Variants in MYO6 observed in about 807,000 individuals in gnomAD.
MYO6 encodes the protein myosin VI.
In MYO6, 74 loss-of-function variants were observed where a neutral mutation model predicts 178.7. The observed-to-expected ratio is 0.41, with a 90% CI of 0.34 to 0.50. The LOEUF is 0.50. MYO6 is among the 20% of genes least tolerant of loss of function. The pLI is 0.09. For synonymous variants in MYO6, 477 were observed against 504.6 expected, an observed-to-expected ratio of 0.95 and a Z score of 0.73; for missense variants, 1,330 against 1,547.4, an observed-to-expected ratio of 0.86 and a Z score of 2.36.
chr6:75,757,972 CTTTTTTTTTTTTT>C (rs71002761), intron 1 of MYO6, among the ~76,000 whole-genome samples: 2 of 74,298 alleles, frequency 2.7e-5, no homozygotes. Context: ...TTGAAGTTGG[CTTTTTTTTTTTTT>C]TTTTTTTTTT....
intron 1 of MYO6, among the ~76,000 whole-genome samples, chr6:75,764,873 C>T (rs1233022172): frequency 6.6e-6 from 1 of 151,746 alleles, no homozygotes; most frequent in Admixed American, 6.6e-5. Flanking sequence ...GTGGCAGGCA[C>T]CTGTAGTCCC....
Position 75,835,969 on chromosome 6 carries a change from T to G in MYO6, c.553+13T>G, listed in dbSNP as rs369806112. ...AGAATTGTTGAAGGTATTGCTAATT[T>G]TTCAGTTGTTACGCGTGTACTGAAA... On this transcript the variant is annotated intron_variant, in intron 7 of 34. Transcript: ENST00000369977. 3 of 1,580,296 alleles carry G rather than the reference T, an allele frequency of 1.9e-6. No homozygotes were observed. The highest frequency in any genetic ancestry group is 1.7e-6 in the Non-Finnish European group (2 of 1,149,100).
At chr6:75,892,993 A>T (rs1423411255) in intron 28 of MYO6, among the ~76,000 whole-genome samples, 1 of 152,174 alleles carries the variant, frequency 6.6e-6, no homozygotes, top group Non-Finnish European at 1.5e-5. Context: ...TATATTAGGT[A>T]GACACCTAAT....
At chr6:75,766,425 AAATT>A (rs1203329186) in intron 1 of MYO6, among the ~76,000 whole-genome samples, 5 of 152,228 alleles carry the variant, frequency 3.3e-5, no homozygotes, top group East Asian at 1.9e-4. Context: ...ATACACTTAA[AAATT>A]AATACAGTAT....
Position 75,764,004 on chromosome 6 carries a change from T to C in MYO6, c.-48+14581T>C, listed in dbSNP as rs1253135196. Among the ~76,000 whole-genome samples the C allele has an allele frequency of 8.5e-5, 13 of 152,212 alleles. No homozygotes were observed. The East Asian group carries it at 2.1e-3, about 25-fold the overall frequency. On this transcript the variant is annotated intron_variant, in intron 1 of 34. Coordinates refer to ENST00000369977, the MANE Select transcript of MYO6 (RefSeq NM_004999.4). ...CTCTGTAACTAATTAATAGATCCAG[T>C]GGCCTCATTTAGAGCATTATTCTTT... is the stretch of plus-strand genomic sequence containing the variant.
rs1781101068 is a variant in MYO6 at position 75,916,063 on chromosome 6, A to G, written c.*1051A>G. The stretch of plus-strand genomic sequence containing the variant: ...CTTGTTTTACATAACTGATAATTTT[A>G]AAATGTTTTCTTTGTGTGCTGTTAG... On this transcript the variant is annotated 3_prime_UTR_variant, in exon 35 of 35. Transcript: ENST00000369977. The G allele has an allele frequency of 1.3e-5, 2 of 152,380 alleles. No homozygotes were observed. Among genetic ancestry groups the G allele is most frequent in the South Asian group, 2.1e-4 (1 of 4,830 alleles). The allele number at this position is 152,380 out of a possible 1,614,324, so 9.4% of individuals were successfully genotyped here. A position where few individuals can be genotyped will look rare whatever the true frequency, so the allele number is the denominator to read the frequency against.
At chr6:75,797,593 G>A (rs1409748933) in intron 1 of MYO6, among the ~76,000 whole-genome samples, 1 of 152,064 alleles carries the variant, frequency 6.6e-6, no homozygotes, top group South Asian at 2.1e-4. Flanking sequence ...GAGTGCAGTG[G>A]CATGATCTTG....
At position 75,914,102 on chromosome 6, in the gene MYO6, G is replaced by T; in HGVS notation, c.3479G>T (p.Arg1160Leu). ...GCAGCTCAGATTCCTGCCAGGCAGC[G>T]GGAGATTGAAATGAACCGACAGCAA... ...NPAAQIPARQ[R>L]EIEMNRQQRF... The change falls in exon 34 of 35, where the codon CGG (arginine) becomes CTG (leucine). Residue 1160 changes from arginine to leucine, a missense_variant. Arg to Leu is a moderately radical substitution (Grantham distance 102). This residue lies in a region of MYO6 where 601 missense variants were observed against 626.1 expected (regional missense o/e 0.96). Transcript: ENST00000369977. 6.2e-7 allele frequency: 1 copy of T among 1,614,062 alleles called. No homozygotes were observed. The highest frequency in any genetic ancestry group is 1.1e-5 in the South Asian group (1 of 91,088).
intron 7 of MYO6, among the ~76,000 whole-genome samples, chr6:75,836,742 C>CTGGCTAAT (rs1266742535): frequency 1.3e-5 from 2 of 152,020 alleles, no homozygotes; most frequent in African/African-American, 4.8e-5. Flanking sequence ...ACCACCACAT[C>CTGGCTAAT]TGGCTAATTT....
chr6:75,849,735 G>T (rs150572413), intron 11 of MYO6, among the ~76,000 whole-genome samples: 2 of 152,308 alleles, frequency 1.3e-5, no homozygotes, highest in African/African-American at 4.8e-5. Context: ...GGAAATACGT[G>T]CAGGGGGAAG....
At chr6:75,831,450 C>T (rs977376504) in intron 5 of MYO6, among the ~76,000 whole-genome samples, 2 of 152,188 alleles carry the variant, frequency 1.3e-5, no homozygotes, top group Admixed American at 6.5e-5. Context: ...TGACAGGCAT[C>T]GTTGTGTTGC....
At chr6:75,780,131 A>C (rs1388522968) in intron 1 of MYO6, among the ~76,000 whole-genome samples, 3 of 152,168 alleles carry the variant, frequency 2.0e-5, no homozygotes, top group Non-Finnish European at 2.9e-5. Flanking sequence ...GATCATTGTT[A>C]AATCAGCACA....
intron 7 of MYO6, among the ~76,000 whole-genome samples, chr6:75,838,984 A>T (rs1276436270): frequency 6.6e-6 from 1 of 151,344 alleles, no homozygotes; most frequent in African/African-American, 2.4e-5. Context: ...CAGTTTTTTT[A>T]TCCCATCTGA....
chr6:75,846,731 AG>A (rs1774766460), intron 10 of MYO6, among the ~76,000 whole-genome samples: 1 of 152,028 alleles, frequency 6.6e-6, no homozygotes. Context: ...GCAGTTCTGA[AG>A]GGGGGAAAAA....
intron 14 of MYO6, 21 bp from the exon 15 acceptor site, chr6:75,861,002 T>C (rs960049040): frequency 6.6e-7 from 1 of 1,507,220 alleles, no homozygotes; most frequent in Non-Finnish European, 9.2e-7. Flanking sequence ...GTATCTATGA[T>C]TATGATTATT....
chr6:75,766,345 A>T (rs1057122903), intron 1 of MYO6, among the ~76,000 whole-genome samples: 2 of 152,022 alleles, frequency 1.3e-5, no homozygotes, highest in African/African-American at 4.8e-5. Flanking sequence ...AAAAGAAAAA[A>T]ACTAGTAGAC....
chr6:75,859,639 C>T (rs1166431088), intron 14 of MYO6, among the ~76,000 whole-genome samples: 6 of 150,258 alleles, frequency 4.0e-5, no homozygotes, highest in Non-Finnish European at 7.4e-5. Context: ...ACCTTCTACC[C>T]GCATCCCTGC....
Position 75,867,300 on chromosome 6 carries a change from A to T in MYO6, c.1944+195A>T, listed in dbSNP as rs9343325. ...TGAACATACAGAAATGCTTGTAATTATCTGAATGTGTTCATTCTTGGTTCT... is the reference window on the plus strand; with the variant it reads ...TGAACATACAGAAATGCTTGTAATTTTCTGAATGTGTTCATTCTTGGTTCT... On this transcript the variant is annotated intron_variant, in intron 18 of 34. Coordinates refer to ENST00000369977, the MANE Select transcript of MYO6 (RefSeq NM_004999.4). 218,176 of 508,942 alleles carry T rather than the reference A, an allele frequency of 0.43. 48,942 individuals are homozygous for T. The highest frequency in any genetic ancestry group is 0.52 in the Middle Eastern group (935 of 1,792). The allele number at this position is 508,942 out of a possible 1,614,324, so 31.5% of individuals were successfully genotyped here.
At chr6:75,767,716 A>G (rs1306505094) in intron 1 of MYO6, among the ~76,000 whole-genome samples, 1 of 151,760 alleles carries the variant, frequency 6.6e-6, no homozygotes, top group Non-Finnish European at 1.5e-5. Flanking sequence ...GGCTTTTGCC[A>G]TGTTGCTCAG....
Sources: gnomAD v4.1 joint callset for allele counts (sites outside exome capture counted in the v4.1 genomes callset) on GRCh38, gnomAD v4.1.1 for gene constraint, gnomAD v4.1.1 regional missense constraint, MANE v1.5 for transcripts, NCBI Gene and HGNC (gene_info 2026-07-23, HGNC 2026-07-21) for gene names.